RIMS2: variants seen among roughly 807,000 people sequenced by gnomAD.
RIMS2 encodes the protein regulating synaptic membrane exocytosis protein 2.
In RIMS2, 59 loss-of-function variants were observed where a neutral mutation model predicts 174.4. That is an observed-to-expected ratio of 0.34 (90% confidence interval 0.27 to 0.42). The LOEUF (loss-of-function observed/expected upper bound fraction) is 0.42, where lower values mean the gene tolerates loss of function less well. Ranked by LOEUF, RIMS2 falls within the 10% of genes least tolerant of loss-of-function variation. The probability of loss-of-function intolerance (pLI) is 1.00; values close to 1 mark genes in which losing one functional copy is unlikely to be tolerated. For missense variants in RIMS2, 1,620 were observed against 1,666.3 expected (o/e 0.97, Z 0.48); for synonymous variants, 606 against 572.5 (o/e 1.06, Z -0.84).
At chr8:103,807,137 A>T (rs939545154) in intron 3 of RIMS2, among the ~76,000 whole-genome samples, 3 of 152,246 alleles carry the variant, frequency 2.0e-5, no homozygotes, top group Non-Finnish European at 4.4e-5. Context: ...AGGGTTCACA[A>T]CACAGCCAAA....
intron 3 of RIMS2, chr8:103,819,778 ATTT>A: frequency 1.7e-6 from 1 of 576,644 alleles, no homozygotes; most frequent in Non-Finnish European, 2.8e-6. Context: ...AGCATTCTTA[ATTT>A]GATTTTAAGA....
intron 2 of RIMS2, among the ~76,000 whole-genome samples, chr8:103,707,917 A>T (rs770604805): frequency 4.6e-5 from 7 of 152,156 alleles, no homozygotes; most frequent in Non-Finnish European, 7.4e-5. Context: ...CCAATGGCCA[A>T]CTGGGAGCTT....
intron 2 of RIMS2, among the ~76,000 whole-genome samples, chr8:103,712,701 A>C (rs1449258634): frequency 6.6e-6 from 1 of 152,228 alleles, no homozygotes; most frequent in Non-Finnish European, 1.5e-5. Context: ...GCAGGATGGT[A>C]AAACAGACTG....
intron 1 of RIMS2, among the ~76,000 whole-genome samples, chr8:103,623,815 A>AG (rs1274196848): frequency 6.6e-6 from 1 of 151,766 alleles, no homozygotes; most frequent in Non-Finnish European, 1.5e-5. Flanking sequence ...TTAAAAAGGA[A>AG]GGAACTAGAG....
intron 19 of RIMS2, among the ~76,000 whole-genome samples, chr8:104,057,830 G>C (rs967353695): frequency 2.0e-5 from 3 of 148,034 alleles, no homozygotes; most frequent in African/African-American, 5.0e-5. Flanking sequence ...TTGGTTTTTT[G>C]TCCTTGCGAT....
chr8:104,060,266 C>G (rs1597982596), intron 19 of RIMS2, among the ~76,000 whole-genome samples: 2 of 149,026 alleles, frequency 1.3e-5, no homozygotes, highest in African/African-American at 2.5e-5. Flanking sequence ...TTGGTCTATT[C>G]AGAGATTCAA....
chr8:103,940,819 T>C (rs2082353942), intron 13 of RIMS2, among the ~76,000 whole-genome samples: 1 of 146,202 alleles, frequency 6.8e-6, no homozygotes, highest in Non-Finnish European at 1.5e-5. Context: ...GAGCTTGCAG[T>C]GAGCCAGGAT....
intron 12 of RIMS2, among the ~76,000 whole-genome samples, chr8:103,933,749 A>G (rs1025500860): frequency 2.0e-5 from 3 of 152,180 alleles, no homozygotes; most frequent in Non-Finnish European, 4.4e-5. Flanking sequence ...TCTCTGCCTA[A>G]CTCAAAAAGT....
intron 1 of RIMS2, among the ~76,000 whole-genome samples, chr8:103,595,203 CTTTG>C (rs1453699238): frequency 3.3e-5 from 5 of 151,654 alleles, no homozygotes; most frequent in Non-Finnish European, 5.9e-5. Flanking sequence ...TCTCTTCTCC[CTTTG>C]TTTGTCTTTT....
intron 3 of RIMS2, among the ~76,000 whole-genome samples, chr8:103,770,708 A>T (rs1411089352): frequency 6.6e-6 from 1 of 150,422 alleles, no homozygotes; most frequent in Non-Finnish European, 1.5e-5. Flanking sequence ...CACCATTTAA[A>T]TTTTTTTAAT....
intron 19 of RIMS2, among the ~76,000 whole-genome samples, chr8:104,145,123 T>A (rs1438459670): frequency 6.6e-6 from 1 of 151,388 alleles, no homozygotes; most frequent in African/African-American, 2.5e-5. Context: ...CCTTGTCTTA[T>A]TTTGTTTTGT....
chr8:103,815,949 G>C (rs2098715482), intron 3 of RIMS2, among the ~76,000 whole-genome samples: 1 of 152,116 alleles, frequency 6.6e-6, no homozygotes, highest in African/African-American at 2.4e-5. Flanking sequence ...AAGTAAATAT[G>C]CTGAGGTAAT....
At chr8:103,728,618 T>C (rs1223990978) in intron 2 of RIMS2, among the ~76,000 whole-genome samples, 2 of 151,886 alleles carry the variant, frequency 1.3e-5, no homozygotes, top group African/African-American at 2.4e-5. Context: ...TACCCTTTTT[T>C]TGGGGGATGT....
At position 104,121,834 on chromosome 8, in the gene RIMS2, C is replaced by T. The variant is rs574391391; in HGVS notation, c.3334+107219C>T. The stretch of plus-strand genomic sequence containing the variant: ...AAAATTAGCCAGGCGTGGTGACACA[C>T]GCCTGTAATCCCAGCACTTGGGAGA... On this transcript the variant is annotated intron_variant, in intron 19 of 23. Transcript: ENST00000504942. Among the ~76,000 whole-genome samples, 39 of 151,902 alleles carry T rather than the reference C, an allele frequency of 2.6e-4. 1 individual carries two copies. The highest frequency in any genetic ancestry group is 1.4e-4 in the African/African-American group (6 of 41,440).
intron 17 of RIMS2, among the ~76,000 whole-genome samples, chr8:104,012,970 C>G (rs370321107): frequency 2.0e-5 from 3 of 152,038 alleles, no homozygotes; most frequent in African/African-American, 7.2e-5. Context: ...CATTTTGATT[C>G]TTCTGTTTAA....
intron 1 of RIMS2, among the ~76,000 whole-genome samples, chr8:103,580,334 T>C (rs1328278305): frequency 6.6e-6 from 1 of 151,406 alleles, no homozygotes; most frequent in African/African-American, 2.4e-5. Context: ...CTTGAAGGGG[T>C]GGAAAAAGAT....
intron 20 of RIMS2, among the ~76,000 whole-genome samples, chr8:104,246,028 A>G (rs2099328786): frequency 6.6e-6 from 1 of 152,238 alleles, no homozygotes; most frequent in African/African-American, 2.4e-5. Context: ...GGGAAAATCA[A>G]CTGAAAAGTG....
intron 1 of RIMS2, among the ~76,000 whole-genome samples, chr8:103,608,219 A>G (rs1449232820): frequency 7.0e-6 from 1 of 143,042 alleles, no homozygotes; most frequent in Non-Finnish European, 1.5e-5. Flanking sequence ...CTTCTAACAG[A>G]CAGGACCCTC....
chr8:103,739,870 C>T (rs568852039), intron 2 of RIMS2, among the ~76,000 whole-genome samples: 24 of 152,176 alleles, frequency 1.6e-4, no homozygotes, highest in Non-Finnish European at 2.9e-4. Context: ...AGAGTGCTCA[C>T]TGGCTAGTCT....
Sources: allele counts gnomAD v4.1 joint callset (sites outside exome capture counted in the v4.1 genomes callset), GRCh38; gene constraint gnomAD v4.1.1; transcripts MANE v1.5; gene names NCBI Gene and HGNC (gene_info 2026-07-23, HGNC 2026-07-21).